LRP1B: variants seen among roughly 807,000 people sequenced by gnomAD.
LRP1B encodes LDL receptor related protein 1B, also known as low-density lipoprotein receptor-related protein 1B.
In LRP1B, 217 loss-of-function variants were observed where a neutral mutation model predicts 556.6. That is an observed-to-expected ratio of 0.39 (90% CI 0.35 to 0.44). The LOEUF is 0.44. LRP1B is among the 20% of genes least tolerant of loss of function. The pLI is 1.00. For missense variants in LRP1B, 5,053 were observed against 5,620.8 expected, an observed-to-expected ratio of 0.90 and a Z score of 3.23; for synonymous variants, 2,047 against 1,865.8, an observed-to-expected ratio of 1.10 and a Z score of -2.50.
At chr2:141,802,811 C>A (rs749200614) in intron 2 of LRP1B, among the ~76,000 whole-genome samples, 52 of 152,046 alleles carry the variant, frequency 3.4e-4, no homozygotes, top group Admixed American at 1.3e-4. Context: ...AGGTAAGAAG[C>A]CTTCATCCAC....
chr2:140,468,100 A>C (rs1476534255), intron 60 of LRP1B, among the ~76,000 whole-genome samples: 1 of 152,168 alleles, frequency 6.6e-6, no homozygotes, highest in Non-Finnish European at 1.5e-5. Context: ...AGGCTACCCC[A>C]TCCATCACAG....
rs558558946 is a variant in LRP1B at position 141,028,721 on chromosome 2, T to A, written c.1790-8619A>T. Among the ~76,000 whole-genome samples, 552 of 152,250 alleles carry A rather than the reference T, an allele frequency of 3.6e-3. 3 individuals carry two copies. Among genetic ancestry groups the A allele is most frequent in the Non-Finnish European group, 6.4e-3 (436 of 68,012 alleles). The stretch of plus-strand genomic sequence containing the variant: ...TCTTTTTAATCAGTTTAATTACTGT[T>A]TTTAAAGTAATGACAACTAAATTAA... On this transcript the variant is annotated intron_variant, in intron 11 of 90. Coordinates refer to ENST00000389484, the MANE Select transcript of LRP1B (RefSeq NM_018557.3).
chr2:142,112,603 GACT>G (rs1438173037), intron 1 of LRP1B, among the ~76,000 whole-genome samples: 1 of 152,072 alleles, frequency 6.6e-6, no homozygotes, highest in Non-Finnish European at 1.5e-5. Context: ...TGATTTTCCA[GACT>G]ACATTGATTT....
rs540765196 is a variant in LRP1B, at chr2:140,274,854, A to C, written c.12968-256T>G. On this transcript the variant is annotated intron_variant, in intron 84 of 90. Transcript: ENST00000389484. ...TAGGTGACAAACTCTTTTGGTTCTG[A>C]ATATTAAAGCTTAAGTTAACAAGTT... Among the ~76,000 whole-genome samples the C allele has an allele frequency of 2.0e-5, 3 of 152,062 alleles. No homozygotes were observed. The East Asian group carries it at 5.8e-4, about 30-fold the overall frequency.
At chr2:140,518,047 C>T (rs1396363463) in intron 49 of LRP1B, among the ~76,000 whole-genome samples, 1 of 151,986 alleles carries the variant, frequency 6.6e-6, no homozygotes, top group African/African-American at 2.4e-5. Flanking sequence ...TGTTCCATTG[C>T]TCCTTCAGGT....
chr2:141,931,074 T>C (rs191741701), intron 1 of LRP1B, among the ~76,000 whole-genome samples: 41 of 152,146 alleles, frequency 2.7e-4, no homozygotes, highest in Admixed American at 8.5e-4. Context: ...TGTTATTACA[T>C]ATGAGGAAAT....
chr2:140,533,846 ACAGT>A (rs1416288976), intron 47 of LRP1B, among the ~76,000 whole-genome samples, 171 bp downstream of exon 47: 1 of 152,144 alleles, frequency 6.6e-6, no homozygotes, highest in Non-Finnish European at 1.5e-5. Flanking sequence ...AATGGAGAAC[ACAGT>A]CAGAATTTTC....
At chr2:142,120,907 A>G (rs1254582454) in intron 1 of LRP1B, among the ~76,000 whole-genome samples, 1 of 152,182 alleles carries the variant, frequency 6.6e-6, no homozygotes, top group African/African-American at 2.4e-5. Context: ...TAGGGCCCAC[A>G]TATGACCATC....
chr2:142,119,680 A>G (rs1200964047), intron 1 of LRP1B, among the ~76,000 whole-genome samples: 1 of 151,990 alleles, frequency 6.6e-6, no homozygotes, highest in Non-Finnish European at 1.5e-5. Flanking sequence ...TCTTTTTTTC[A>G]TATATTCTCT....
intron 3 of LRP1B, among the ~76,000 whole-genome samples, chr2:141,324,618 C>T (rs1393579603): frequency 6.6e-6 from 1 of 152,084 alleles, no homozygotes; most frequent in Non-Finnish European, 1.5e-5. Flanking sequence ...TTCATAAAGG[C>T]TGTACGTGTT....
At chr2:141,166,109 A>G (rs1332085942) in intron 7 of LRP1B, among the ~76,000 whole-genome samples, 1 of 151,880 alleles carries the variant, frequency 6.6e-6, no homozygotes, top group Non-Finnish European at 1.5e-5. Flanking sequence ...ATGTTTTACC[A>G]TAACACCCCT....
intron 18 of LRP1B, among the ~76,000 whole-genome samples, chr2:140,973,052 T>TTTTA (rs1472754855): frequency 1.4e-5 from 2 of 138,586 alleles, no homozygotes; most frequent in East Asian, 4.5e-4. Flanking sequence ...ATATTTCATT[T>TTTTA]TATATATATA....
At chr2:140,759,555 A>G (rs1445067175) in intron 35 of LRP1B, among the ~76,000 whole-genome samples, 1 of 152,208 alleles carries the variant, frequency 6.6e-6, no homozygotes, top group African/African-American at 2.4e-5. Context: ...AGTTAGCCAT[A>G]GTGTGTAATG....
chr2:141,258,484 A>T (rs1684565348), intron 3 of LRP1B, among the ~76,000 whole-genome samples: 2 of 152,136 alleles, frequency 1.3e-5, no homozygotes, highest in Admixed American at 1.3e-4. Flanking sequence ...TAAATAAATA[A>T]ATAAAAAGAG....
chr2:140,384,812 A>G (rs1558845308), intron 67 of LRP1B, among the ~76,000 whole-genome samples: 1 of 152,210 alleles, frequency 6.6e-6, no homozygotes, highest in Non-Finnish European at 1.5e-5. Context: ...CTGCAAGAAT[A>G]GTCATTATCG....
chr2:140,297,668 T>C, intron 84 of LRP1B, 140 bp downstream of exon 84: 2 of 872,238 alleles, frequency 2.3e-6, no homozygotes, highest in Non-Finnish European at 3.5e-6. Context: ...GAAGAATGGG[T>C]AAATAATTGT....
At chr2:141,488,178 A>AT (rs1286668230) in intron 2 of LRP1B, among the ~76,000 whole-genome samples, 1 of 113,046 alleles carries the variant, frequency 8.8e-6, no homozygotes. Context: ...ACTTACATTT[A>AT]TTTGTTTTTT....
At chr2:141,886,209 T>G (rs6429927) in intron 1 of LRP1B, among the ~76,000 whole-genome samples, 63,250 of 151,950 alleles carry the variant, frequency 0.42, 13,333 homozygotes, top group South Asian at 0.54. Flanking sequence ...ATGACAGGAA[T>G]GTAAAGGTTA....
chr2:141,451,235 A>G (rs923845606), intron 3 of LRP1B, among the ~76,000 whole-genome samples: 17 of 152,212 alleles, frequency 1.1e-4, no homozygotes, highest in African/African-American at 4.1e-4. Flanking sequence ...CCATCTGTGT[A>G]TGACTTCAAC....
Sources: gnomAD v4.1 joint callset for allele counts (sites outside exome capture counted in the v4.1 genomes callset) on GRCh38, gnomAD v4.1.1 for gene constraint, MANE v1.5 for transcripts, NCBI Gene and HGNC (gene_info 2026-07-23, HGNC 2026-07-21) for gene names.